FGF1: variants seen among roughly 807,000 people sequenced by gnomAD.
The protein encoded by FGF1 is beta-endothelial cell growth factor.
Under a neutral mutation model 13.4 loss-of-function variants are expected in FGF1, and 9 were observed. The observed-to-expected ratio is 0.67, with a 90% CI of 0.40 to 1.17. FGF1 has a LOEUF of 1.17. Ranked by LOEUF, FGF1 falls within the 50% of genes most tolerant of loss-of-function variation. FGF1 has a pLI of 0.01. For missense variants in FGF1, 156 were observed against 192.7 expected, an observed-to-expected ratio of 0.81 and a Z score of 1.13; for synonymous variants, 93 against 79.0, an observed-to-expected ratio of 1.18 and a Z score of -0.94.
intron 1 of FGF1, among the ~76,000 whole-genome samples, chr5:142,642,834 A>T (rs1490970342): frequency 6.6e-6 from 1 of 152,218 alleles, no homozygotes; most frequent in Non-Finnish European, 1.5e-5. Flanking sequence ...TGGGATCAGG[A>T]CAGACTCCAC....
intron 2 of FGF1, among the ~76,000 whole-genome samples, chr5:142,611,754 A>G (rs148634090): frequency 5.3e-5 from 8 of 151,796 alleles, no homozygotes; most frequent in Admixed American, 1.3e-4. Context: ...CCACACAACA[A>G]CTCCGAGTGT....
intron 1 of FGF1, among the ~76,000 whole-genome samples, chr5:142,653,874 A>T (rs2151980735): frequency 6.6e-6 from 1 of 152,290 alleles, no homozygotes; most frequent in African/African-American, 2.4e-5. Context: ...TGGGTGGATC[A>T]CAAGTTCAAA....
chr5:142,689,082 G>A (rs1314712478), upstream of FGF1, among the ~76,000 whole-genome samples: 1 of 152,120 alleles, frequency 6.6e-6, no homozygotes, highest in Non-Finnish European at 1.5e-5. Flanking sequence ...CAGAACATAA[G>A]CCCTGGTGTC....
rs116163053 is a variant in FGF1 at position 142,639,519 on chromosome 5, T to C, written c.-34-25358A>G. Among the ~76,000 whole-genome samples, 1,389 of 151,980 alleles carry C rather than the reference T, an allele frequency of 9.1e-3. 44 individuals are homozygous for C. The highest frequency in any genetic ancestry group is 0.032 in the African/African-American group (1,322 of 41,302). ...ACTTATATGTGGAATCTAAAAAAAG[T>C]CAAACTCATTGAAGTAGAGAGTAGA... is the stretch of plus-strand genomic sequence containing the variant. On this transcript the variant is annotated intron_variant, in intron 1 of 3. Coordinates refer to ENST00000337706, the MANE Select transcript of FGF1 (RefSeq NM_000800.5).
At chr5:142,639,011 C>A (rs752792513) in intron 1 of FGF1, among the ~76,000 whole-genome samples, 10 of 151,812 alleles carry the variant, frequency 6.6e-5, no homozygotes, top group African/African-American at 9.7e-5. Flanking sequence ...ATCAAAAAGA[C>A]AAAAGATAAC....
intron 1 of FGF1, among the ~76,000 whole-genome samples, chr5:142,624,689 C>G (rs1417614552): frequency 6.6e-6 from 1 of 152,224 alleles, no homozygotes; most frequent in Non-Finnish European, 1.5e-5. Flanking sequence ...CAAGATGTCA[C>G]ATACTCTAGA....
At chr5:142,666,324 T>C (rs6881786) in intron 1 of FGF1, among the ~76,000 whole-genome samples, 94,799 of 94,800 alleles carry the variant, frequency 1, 47,399 homozygotes, top group Middle Eastern at 1. Context: ...ACACACAATC[T>C]TAGCTTTTTA....
At chr5:142,669,720 C>T (rs539143845) in intron 1 of FGF1, among the ~76,000 whole-genome samples, 6 of 152,192 alleles carry the variant, frequency 3.9e-5, no homozygotes, top group South Asian at 2.1e-4. Context: ...GCAGTGGACG[C>T]GAGCTCTGGA....
intron 1 of FGF1, among the ~76,000 whole-genome samples, chr5:142,669,020 G>A (rs962482957): frequency 6.6e-6 from 1 of 152,230 alleles, no homozygotes; most frequent in Non-Finnish European, 1.5e-5. Context: ...CAGAGGCCCA[G>A]GGGTGGGCAA....
chr5:142,616,475 T>C (rs1259733113), intron 1 of FGF1, among the ~76,000 whole-genome samples: 3 of 152,212 alleles, frequency 2.0e-5, no homozygotes, highest in Admixed American at 6.5e-5. Flanking sequence ...AGAAAATAAA[T>C]ATAATACCAC....
intron 1 of FGF1, among the ~76,000 whole-genome samples, chr5:142,626,284 C>T (rs1286476947): frequency 1.3e-5 from 2 of 152,186 alleles, no homozygotes; most frequent in East Asian, 3.8e-4. Flanking sequence ...GGAAGCTGTC[C>T]TCGACTGAAC....
chr5:142,638,006 G>T (rs903640585), intron 1 of FGF1, among the ~76,000 whole-genome samples: 1 of 151,982 alleles, frequency 6.6e-6, no homozygotes, highest in Non-Finnish European at 1.5e-5. Context: ...TCAGCAAATG[G>T]TCATTAAGAA....
chr5:142,645,988 A>C (rs1189255323), intron 1 of FGF1, among the ~76,000 whole-genome samples: 2 of 152,034 alleles, frequency 1.3e-5, no homozygotes, highest in Non-Finnish European at 2.9e-5. Flanking sequence ...GGCTCATTGC[A>C]AGCTCTGCCT....
upstream of FGF1, among the ~76,000 whole-genome samples, chr5:142,689,771 C>T (rs1751863705): frequency 6.9e-6 from 1 of 144,556 alleles, no homozygotes; most frequent in African/African-American, 2.5e-5. Flanking sequence ...GCGATCTCGG[C>T]TCATGGAAGC....
At chr5:142,668,437 T>C (rs1770850809) in intron 1 of FGF1, among the ~76,000 whole-genome samples, 1 of 152,220 alleles carries the variant, frequency 6.6e-6, no homozygotes, top group South Asian at 2.1e-4. Context: ...TTGGGGAGGC[T>C]GCTCTTGTCT....
intron 1 of FGF1, among the ~76,000 whole-genome samples, chr5:142,640,301 G>T (rs1173528104): frequency 6.6e-6 from 1 of 151,832 alleles, no homozygotes; most frequent in Admixed American, 6.6e-5. Flanking sequence ...CCTATAGGGG[G>T]AGGTATTAAA....
chr5:142,636,944 AT>A (rs1764349972), intron 1 of FGF1, among the ~76,000 whole-genome samples: 1 of 152,000 alleles, frequency 6.6e-6, no homozygotes. Flanking sequence ...ATGTTATCAG[AT>A]TTGCATTTTT....
intron 1 of FGF1, among the ~76,000 whole-genome samples, chr5:142,622,906 G>A (rs1023274642): frequency 1.1e-4 from 17 of 152,210 alleles, no homozygotes; most frequent in African/African-American, 3.9e-4. Flanking sequence ...CTCATCTTCC[G>A]TGGTTGACAG....
chr5:142,634,009 C>T (rs1763818092), intron 1 of FGF1, among the ~76,000 whole-genome samples: 1 of 147,890 alleles, frequency 6.8e-6, no homozygotes, highest in African/African-American at 2.5e-5. Context: ...ACGGTGAAAC[C>T]CTGTCTCTAC....
Sources: gnomAD v4.1 joint callset for allele counts (sites outside exome capture counted in the v4.1 genomes callset) on GRCh38, gnomAD v4.1.1 for gene constraint, MANE v1.5 for transcripts, NCBI Gene and HGNC (gene_info 2026-07-23, HGNC 2026-07-21) for gene names.